Variants in SIK2 observed in about 807,000 individuals in gnomAD.
SIK2 encodes the protein serine/threonine-protein kinase SIK2.
SIK2 carries 29 observed loss-of-function variants against 103.2 expected under a neutral mutation model. The observed-to-expected ratio is 0.28, with a 90% CI of 0.21 to 0.38. SIK2 has a LOEUF of 0.38. Ranked by LOEUF, SIK2 falls within the 10% of genes least tolerant of loss-of-function variation. The pLI, the probability that SIK2 is intolerant of heterozygous loss-of-function variation, is 1.00. For synonymous variants in SIK2, 412 were observed against 446.1 expected, an observed-to-expected ratio of 0.92 and a Z score of 0.96; for missense variants, 879 against 1,171.0, an observed-to-expected ratio of 0.75 and a Z score of 3.64.
intron 3 of SIK2, chr11:111,671,829 G>C (rs1386447242): frequency 4.9e-6 from 2 of 409,800 alleles, no homozygotes; most frequent in Non-Finnish European, 9.5e-6. Context: ...TTCTCTGTAT[G>C]CTTGTTGATC....
intron 3 of SIK2, among the ~76,000 whole-genome samples, chr11:111,639,982 C>T (rs1470177728): frequency 6.6e-6 from 1 of 152,218 alleles, no homozygotes; most frequent in East Asian, 1.9e-4. Context: ...TGTATACTCT[C>T]TGTTACTGCG....
rs1187788169 is a variant in SIK2 at position 111,726,028 on chromosome 11, A to AAAT, written c.*1902_*1904dup. On this transcript the variant is annotated 3_prime_UTR_variant, in exon 15 of 15. Coordinates refer to ENST00000304987, the MANE Select transcript of SIK2 (RefSeq NM_015191.3). ...CGTGCTTAAGATTGATGATTTCGTG[A>AAAT]AATAAAGAACATCATTTCATTTAAG... is the stretch of plus-strand genomic sequence containing the variant. The AAAT allele has an allele frequency of 6.6e-6, 1 of 152,244 alleles. No homozygotes were observed. 9.4% of individuals were successfully genotyped at this position (152,244 alleles called of 1,614,324 possible). A position where few individuals can be genotyped will look rare whatever the true frequency, so the allele number is the denominator to read the frequency against.
rs557243651 is a variant in SIK2 at position 111,669,950 on chromosome 11, A to C, written c.317-18051A>C. Among the ~76,000 whole-genome samples the C allele has an allele frequency of 2.6e-5, 4 of 152,336 alleles. No individual in the cohort carries two copies. In the East Asian group the frequency reaches 7.7e-4, roughly 29 times the overall value. ...ATAGATGTACATACTTTCAGGGTAC[A>C]TGTAATAATATATTCATATAAATTG... On this transcript the variant is annotated intron_variant, in intron 3 of 14. Transcript: ENST00000304987.
intron 3 of SIK2, among the ~76,000 whole-genome samples, chr11:111,643,678 G>A (rs771244796): frequency 9.9e-5 from 15 of 151,690 alleles, no homozygotes; most frequent in Non-Finnish European, 2.1e-4. Flanking sequence ...GGGCATGGTG[G>A]TGCGCGCCTG....
At chr11:111,644,891 T>C (rs915945176) in intron 3 of SIK2, among the ~76,000 whole-genome samples, 3 of 152,192 alleles carry the variant, frequency 2.0e-5, no homozygotes, top group Non-Finnish European at 2.9e-5. Flanking sequence ...TGGCTGAAGT[T>C]ACTAATGGGC....
At chr11:111,675,364 G>C (rs183137759) in intron 3 of SIK2, among the ~76,000 whole-genome samples, 1 of 152,336 alleles carries the variant, frequency 6.6e-6, no homozygotes, top group East Asian at 1.9e-4. Flanking sequence ...CTTACAGGCA[G>C]GGAGTGAAGA....
intron 3 of SIK2, among the ~76,000 whole-genome samples, chr11:111,628,523 C>T (rs750951431): frequency 1.7e-4 from 26 of 151,444 alleles, no homozygotes; most frequent in Non-Finnish European, 3.4e-4. Flanking sequence ...ACTGCAGCCT[C>T]GACCTCCTGG....
intron 3 of SIK2, among the ~76,000 whole-genome samples, chr11:111,623,172 T>A (rs367778199): frequency 3.3e-5 from 5 of 152,366 alleles, no homozygotes; most frequent in African/African-American, 1.2e-4. Flanking sequence ...TCTTCTGCCA[T>A]TAATCCCATC....
At chr11:111,690,319 A>G (rs960410013) in intron 4 of SIK2, among the ~76,000 whole-genome samples, 14 of 150,168 alleles carry the variant, frequency 9.3e-5, no homozygotes, top group Non-Finnish European at 1.5e-4. Flanking sequence ...AAGAAGGGGG[A>G]AAACTCCTGC....
chr11:111,715,347 C>G (rs560311939), intron 9 of SIK2, among the ~76,000 whole-genome samples: 5 of 152,214 alleles, frequency 3.3e-5, no homozygotes, highest in Non-Finnish European at 7.3e-5. Flanking sequence ...GACACAGTTC[C>G]CTTTTTATTG....
intron 3 of SIK2, among the ~76,000 whole-genome samples, chr11:111,624,054 T>C (rs1280257446): frequency 6.6e-6 from 1 of 152,228 alleles, no homozygotes; most frequent in East Asian, 1.9e-4. Flanking sequence ...TCATGTATTT[T>C]GTATTTTTGT....
At chr11:111,696,821 T>C (rs1178706389) in intron 4 of SIK2, among the ~76,000 whole-genome samples, 1 of 152,230 alleles carries the variant, frequency 6.6e-6, no homozygotes, top group Non-Finnish European at 1.5e-5. Context: ...TGATGAAGCA[T>C]GAGTATAGTC....
Position 111,722,892 on chromosome 11 carries a change from A to G in SIK2, c.2147+136A>G, listed in dbSNP as rs147261604. On this transcript the variant is annotated intron_variant, in intron 14 of 14. Transcript: ENST00000304987. This position sits in a 1 kb window ranked among gnomAD's most constrained non-coding sequence, Gnocchi z 4.4. ...TTCTGCGTGTGTCACAGGCCCTCTG[A>G]GCACGATTACTAAGAGGATATCTCA... The G allele has an allele frequency of 1.4e-6, 1 of 727,500 alleles. No homozygotes were observed. Among genetic ancestry groups the G allele is most frequent in the East Asian group, 2.7e-5 (1 of 36,744 alleles). The allele number at this position is 727,500 out of a possible 1,614,324, so 45.1% of individuals were successfully genotyped here. A position where few individuals can be genotyped will look rare whatever the true frequency, so the allele number is the denominator to read the frequency against.
At position 111,723,723 on chromosome 11, in the gene SIK2, G is replaced by C. The variant is rs568139966; in HGVS notation, c.2375G>C (p.Ser792Thr). ...CAGATGCAATACAGCCCTTTCCTCA[G>C]CCAGTACCAAGAGATGCAGCTTCAG... ...SEQMQYSPFL[S>T]QYQEMQLQPL... Residue 792 changes from serine to threonine, a missense_variant, in exon 15 of 15, where the codon AGC (serine) becomes ACC (threonine). Ser to Thr is a moderately conservative substitution (Grantham distance 58). Coordinates refer to ENST00000304987, the MANE Select transcript of SIK2 (RefSeq NM_015191.3). 6.2e-6 allele frequency: 10 copies of C among 1,614,094 alleles called. No individual in the cohort carries two copies. The East Asian group carries it at 2.2e-4, about 36-fold the overall frequency.
intron 3 of SIK2, among the ~76,000 whole-genome samples, chr11:111,640,123 A>G (rs1463342197): frequency 6.6e-6 from 1 of 152,206 alleles, no homozygotes; most frequent in Admixed American, 6.5e-5. Context: ...ATTGGGCATG[A>G]AACACTTTGG....
At chr11:111,621,543 T>C (rs1254477421) in intron 3 of SIK2, among the ~76,000 whole-genome samples, 1 of 152,226 alleles carries the variant, frequency 6.6e-6, no homozygotes, top group Non-Finnish European at 1.5e-5. Flanking sequence ...TTGGCTATTA[T>C]ACATAAGTTA....
chr11:111,628,442 C>CTTTCTTTCTTTT, intron 3 of SIK2, among the ~76,000 whole-genome samples: 1 of 119,938 alleles, frequency 8.3e-6, no homozygotes, highest in Admixed American at 8.5e-5. Flanking sequence ...TTCTTTCTTT[C>CTTTCTTTCTTTT]TTTCTTTCTT....
intron 3 of SIK2, among the ~76,000 whole-genome samples, chr11:111,655,042 G>A (rs1942373845): frequency 1.3e-5 from 2 of 152,284 alleles, no homozygotes; most frequent in South Asian, 4.2e-4. Context: ...CTACAATGAA[G>A]CAATTTGTCA....
intron 4 of SIK2, among the ~76,000 whole-genome samples, chr11:111,692,388 A>AAAAAAAC (rs1942967737): frequency 1.8e-5 from 2 of 110,916 alleles, no homozygotes; most frequent in Non-Finnish European, 2.0e-5. Flanking sequence ...AAAAAAAAAA[A>AAAAAAAC]CACAAAAAGG....
Sources: gnomAD v4.1 joint callset for allele counts (sites outside exome capture counted in the v4.1 genomes callset) on GRCh38, gnomAD v4.1.1 for gene constraint, Gnocchi (gnomAD v3.1) non-coding constraint, MANE v1.5 for transcripts, NCBI Gene and HGNC (gene_info 2026-07-23, HGNC 2026-07-21) for gene names.